ACTR3C: variants seen among roughly 807,000 people sequenced by gnomAD.
ACTR3C encodes actin-related protein 3C.
ACTR3C carries 18 observed loss-of-function variants against 26.3 expected under a neutral mutation model. That is an observed-to-expected ratio of 0.68 (90% CI 0.47 to 1.01). ACTR3C has a LOEUF of 1.01. Ranked by LOEUF, ACTR3C falls within the 50% of genes least tolerant of loss-of-function variation. The probability of loss-of-function intolerance (pLI) is 0.00; values close to 1 mark genes in which losing one functional copy is unlikely to be tolerated. For synonymous variants in ACTR3C, 55 were observed against 94.5 expected (o/e 0.58, Z 2.42); for missense variants, 184 against 250.7 (o/e 0.73, Z 1.80).
chr7:150,298,507 T>C (rs1400968673), intron 1 of ACTR3C, among the ~76,000 whole-genome samples: 1 of 147,502 alleles, frequency 6.8e-6, no homozygotes, highest in Non-Finnish European at 1.5e-5. Context: ...AGCTATTTCC[T>C]CTCTCCCTGA....
chr7:149,958,678 C>T, the ACTR3C span, among the ~76,000 whole-genome samples: 1 of 152,202 alleles, frequency 6.6e-6, no homozygotes, highest in Middle Eastern at 3.2e-3. Flanking sequence ...TTGGCTGTGT[C>T]TCATAAAAAG....
At chr7:150,200,781 T>C in the ACTR3C span, among the ~76,000 whole-genome samples, 1 of 152,188 alleles carries the variant, frequency 6.6e-6, no homozygotes, top group East Asian at 1.9e-4. Flanking sequence ...TCCTTACAAA[T>C]GCACTTCCTG....
the ACTR3C span, among the ~76,000 whole-genome samples, chr7:150,190,894 A>G: frequency 3.9e-5 from 6 of 152,190 alleles, 1 homozygote; most frequent in Admixed American, 1.3e-4. Context: ...AAACGTGCCA[A>G]GCAAAGGGGG....
chr7:150,220,833 C>G, the ACTR3C span, among the ~76,000 whole-genome samples: 2 of 152,292 alleles, frequency 1.3e-5, no homozygotes, highest in African/African-American at 4.8e-5. Context: ...TCCACACCCC[C>G]CTCACCCTCA....
At chr7:150,209,248 CAGAG>C in the ACTR3C span, among the ~76,000 whole-genome samples, 12 of 138,044 alleles carry the variant, frequency 8.7e-5, no homozygotes, top group South Asian at 9.2e-4. Context: ...CAGAGAGAGA[CAGAG>C]AGAGAGACAG....
chr7:150,240,495 T>C (rs1832118320), downstream of ACTR3C, among the ~76,000 whole-genome samples: 1 of 152,180 alleles, frequency 6.6e-6, no homozygotes, highest in South Asian at 2.1e-4. Flanking sequence ...GACAGGTTGA[T>C]GGGTGCAGCA....
the ACTR3C span, among the ~76,000 whole-genome samples, chr7:150,216,132 A>G: frequency 6.6e-6 from 1 of 151,870 alleles, no homozygotes; most frequent in Non-Finnish European, 1.5e-5. Context: ...GAGAAAAGAG[A>G]AAACAGATAT....
At chr7:150,323,033 G>C (rs1402171229) in intron 1 of ACTR3C, 1 of 152,708 alleles carries the variant, frequency 6.5e-6, no homozygotes, top group Non-Finnish European at 1.5e-5. Flanking sequence ...AGGAAATCTA[G>C]GCCGCCATCC....
intron 1 of ACTR3C, among the ~76,000 whole-genome samples, chr7:150,308,138 C>T (rs1795956248): frequency 6.6e-6 from 1 of 152,182 alleles, no homozygotes. Context: ...CTTTGATCCT[C>T]CACCTTGGTG....
At chr7:150,218,315 T>C in the ACTR3C span, among the ~76,000 whole-genome samples, 2 of 152,220 alleles carry the variant, frequency 1.3e-5, no homozygotes, top group African/African-American at 2.4e-5. Context: ...ACTCCAAAGC[T>C]GCAAACTTTG....
intron 3 of ACTR3C, among the ~76,000 whole-genome samples, chr7:150,290,846 C>T (rs936417909): frequency 4.6e-5 from 7 of 152,188 alleles, no homozygotes; most frequent in African/African-American, 1.4e-4. Context: ...ATATTCTATG[C>T]ATTACACATA....
the ACTR3C span, among the ~76,000 whole-genome samples, chr7:150,018,354 T>C: frequency 6.7e-6 from 1 of 150,094 alleles, no homozygotes; most frequent in Non-Finnish European, 1.5e-5. Context: ...GCATTTTTTT[T>C]TTTTGGAAAA....
chr7:150,098,597 C>T, the ACTR3C span, among the ~76,000 whole-genome samples: 1 of 151,680 alleles, frequency 6.6e-6, no homozygotes, highest in Non-Finnish European at 1.5e-5. Context: ...TTTTTGAACT[C>T]AGGAATATAC....
At chr7:149,909,111 C>T in the ACTR3C span, among the ~76,000 whole-genome samples, 1 of 151,398 alleles carries the variant, frequency 6.6e-6, no homozygotes, top group East Asian at 1.9e-4. Flanking sequence ...AACCGACTAA[C>T]CTCGGGAAGA....
At chr7:150,256,774 A>T (rs1023532851) in intron 6 of ACTR3C, among the ~76,000 whole-genome samples, 1 of 152,246 alleles carries the variant, frequency 6.6e-6, no homozygotes, top group Non-Finnish European at 1.5e-5. Context: ...TGTAAAAAAA[A>T]AAATAAACAC....
the ACTR3C span, among the ~76,000 whole-genome samples, chr7:149,978,167 C>T: frequency 6.6e-6 from 1 of 152,216 alleles, no homozygotes; most frequent in African/African-American, 2.4e-5. Flanking sequence ...ACGTGATGTA[C>T]ACATGTTTAG....
the ACTR3C span, among the ~76,000 whole-genome samples, chr7:150,112,068 C>T: frequency 6.7e-6 from 1 of 149,402 alleles, no homozygotes; most frequent in African/African-American, 2.5e-5. Context: ...GATCATTCCT[C>T]ATTTTCATGA....
the ACTR3C span, among the ~76,000 whole-genome samples, chr7:149,982,523 A>G: frequency 6.6e-6 from 1 of 152,102 alleles, no homozygotes; most frequent in Non-Finnish European, 1.5e-5. Flanking sequence ...CCTTTTGCAG[A>G]TAACAAAACC....
chr7:150,018,369 G>A, the ACTR3C span, among the ~76,000 whole-genome samples: 6 of 148,716 alleles, frequency 4.0e-5, no homozygotes, highest in Admixed American at 4.0e-4. Flanking sequence ...GGAAAAGAAT[G>A]TATTTTCACT....
Sources: gnomAD v4.1 joint callset for allele counts (sites outside exome capture counted in the v4.1 genomes callset) on GRCh38, gnomAD v4.1.1 for gene constraint, MANE v1.5 for transcripts, NCBI Gene and HGNC (gene_info 2026-07-23, HGNC 2026-07-21) for gene names.